Variants in SAMD12 observed in about 807,000 individuals in gnomAD.
The protein encoded by SAMD12 is sterile alpha motif domain-containing protein 12.
Under a neutral mutation model 15.0 loss-of-function variants are expected in SAMD12, and 9 were observed. That is an observed-to-expected ratio of 0.60 (90% CI 0.36 to 1.05). The LOEUF is 1.05. SAMD12 is among the 50% of genes least tolerant of loss of function. The probability of loss-of-function intolerance (pLI) is 0.01; values close to 1 mark genes in which losing one functional copy is unlikely to be tolerated. For missense variants in SAMD12, 230 were observed against 234.2 expected, an observed-to-expected ratio of 0.98 and a Z score of 0.12; for synonymous variants, 86 against 90.1, an observed-to-expected ratio of 0.96 and a Z score of 0.25.
At chr8:118,182,577 C>T in the SAMD12 span, among the ~76,000 whole-genome samples, 37 of 152,060 alleles carry the variant, frequency 2.4e-4, 1 homozygote, top group Admixed American at 9.2e-4. Flanking sequence ...TGAATTGCCA[C>T]GACTACTTCG....
intron 1 of SAMD12, among the ~76,000 whole-genome samples, chr8:118,594,197 A>G (rs1222113232): frequency 6.6e-6 from 1 of 152,118 alleles, no homozygotes; most frequent in African/African-American, 2.4e-5. Context: ...GAGGAGATAA[A>G]TATGTGAGGA....
At chr8:118,153,847 GA>G in the SAMD12 span, among the ~76,000 whole-genome samples, 1 of 152,154 alleles carries the variant, frequency 6.6e-6, no homozygotes, top group South Asian at 2.1e-4. Context: ...ATTCTACTTA[GA>G]AGCCTGAGCT....
chr8:118,558,621 C>T (rs960830665), intron 2 of SAMD12, among the ~76,000 whole-genome samples: 5 of 152,052 alleles, frequency 3.3e-5, no homozygotes, highest in Non-Finnish European at 5.9e-5. Context: ...TGCAGTGGCA[C>T]GATCCTGGCT....
chr8:118,321,144 A>AATAAATATAT (rs57107358), intron 4 of SAMD12, among the ~76,000 whole-genome samples: 65 of 94,444 alleles, frequency 6.9e-4, no homozygotes, highest in South Asian at 1.2e-3. Flanking sequence ...ATAGATAATA[A>AATAAATATAT]ATATATATAT....
At chr8:118,337,820 G>A (rs561651263) in intron 4 of SAMD12, among the ~76,000 whole-genome samples, 32 of 152,292 alleles carry the variant, frequency 2.1e-4, no homozygotes, top group Admixed American at 1.8e-3. Flanking sequence ...GCCGTACATT[G>A]ATTCCTTTAA....
At chr8:118,473,631 C>G (rs999268227) in intron 2 of SAMD12, among the ~76,000 whole-genome samples, 1 of 152,126 alleles carries the variant, frequency 6.6e-6, no homozygotes, top group Admixed American at 6.5e-5. Flanking sequence ...CCAGCCTAAT[C>G]CCTCACCCTC....
At chr8:118,552,190 AT>A (rs1470467965) in intron 2 of SAMD12, among the ~76,000 whole-genome samples, 1 of 152,220 alleles carries the variant, frequency 6.6e-6, no homozygotes, top group Non-Finnish European at 1.5e-5. Context: ...GGCCAGCATC[AT>A]CCTGATACCA....
At chr8:118,438,464 G>A (rs558279502) in intron 3 of SAMD12, among the ~76,000 whole-genome samples, 56 of 151,510 alleles carry the variant, frequency 3.7e-4, no homozygotes, top group Non-Finnish European at 6.5e-4. Flanking sequence ...CAAGTTTTCT[G>A]TATGGTTCAA....
downstream of SAMD12, among the ~76,000 whole-genome samples, chr8:118,187,747 A>C (rs1382084971): frequency 6.6e-6 from 1 of 152,166 alleles, no homozygotes. Flanking sequence ...GAACATGTTA[A>C]CTAAAGCTTT....
At chr8:118,259,696 T>G (rs968174336) in intron 4 of SAMD12, among the ~76,000 whole-genome samples, 1 of 152,030 alleles carries the variant, frequency 6.6e-6, no homozygotes, top group African/African-American at 2.4e-5. Flanking sequence ...CCTCAGGAGA[T>G]AGCTGAGGGA....
chr8:118,348,494 C>A (rs1329031082), intron 4 of SAMD12, among the ~76,000 whole-genome samples: 1 of 152,090 alleles, frequency 6.6e-6, no homozygotes, highest in Non-Finnish European at 1.5e-5. Context: ...GCCTCAGCCT[C>A]CCGAGTAGCT....
chr8:118,139,848 T>C, the SAMD12 span, among the ~76,000 whole-genome samples: 3 of 152,176 alleles, frequency 2.0e-5, no homozygotes, highest in Non-Finnish European at 4.4e-5. Context: ...ACTCTGTCAG[T>C]TAGGATCTTC....
chr8:118,554,483 T>G (rs1826458856), intron 2 of SAMD12, among the ~76,000 whole-genome samples: 1 of 138,170 alleles, frequency 7.2e-6, no homozygotes, highest in Non-Finnish European at 1.5e-5. Flanking sequence ...AATTGAACAA[T>G]GAGAACACAT....
At chr8:118,196,560 G>A (rs796913999) in exon 5 of SAMD12, 1 of 152,078 alleles carries the variant, frequency 6.6e-6, no homozygotes, top group Non-Finnish European at 1.5e-5. Flanking sequence ...GGGACTAGTA[G>A]GTTCTACCCT....
chr8:118,349,133 G>GA (rs1465502358), intron 4 of SAMD12, among the ~76,000 whole-genome samples: 1 of 152,124 alleles, frequency 6.6e-6, no homozygotes, highest in African/African-American at 2.4e-5. Flanking sequence ...CTTCATGGTA[G>GA]AAAAAAGAAC....
rs529202638 is a variant in SAMD12 at position 118,557,920 on chromosome 8, G to A, written c.192+22795C>T. ...TATTATTCTACAACTGTCAAAATAG[G>A]TTGAGACCAACCTATTTTGAGTCAG... On this transcript the variant is annotated intron_variant, in intron 2 of 3. Transcript: ENST00000314727. Among the ~76,000 whole-genome samples, 19 of 151,934 alleles carry A rather than the reference G, an allele frequency of 1.3e-4. 1 individual carries two copies. In the South Asian group the frequency reaches 2.1e-3, roughly 17 times the overall value.
chr8:118,556,654 C>T lies in SAMD12; in HGVS notation c.192+24061G>A, dbSNP rs533175668. Among the ~76,000 whole-genome samples the T allele has an allele frequency of 2.0e-4, 30 of 152,238 alleles. No homozygotes were observed. In the South Asian group the frequency reaches 5.0e-3, roughly 25 times the overall value. ...ACACAGAGTTTATCCTCAAGAAACT[C>T]ACAATCTGGTGATAGAAATAGACAT... On this transcript the variant is annotated intron_variant, in intron 2 of 3. Coordinates refer to ENST00000314727, the MANE Select transcript of SAMD12 (RefSeq NM_207506.3).
At chr8:118,237,770 G>A (rs986516205) in intron 4 of SAMD12, among the ~76,000 whole-genome samples, 1 of 152,124 alleles carries the variant, frequency 6.6e-6, no homozygotes, top group African/African-American at 2.4e-5. Flanking sequence ...AGAATCAAAT[G>A]TAAACATTAA....
Position 118,397,508 on chromosome 8 carries a change from A to G in SAMD12, c.323-17808T>C, listed in dbSNP as rs183501256. On this transcript the variant is annotated intron_variant, in intron 3 of 3. Transcript: ENST00000314727. ...ACCCCAAGTCTACAGATTGTGGAAC[A>G]GTGAAGAGTCTAGCGTGTCTAGGTC... Among the ~76,000 whole-genome samples, 5 of 152,306 alleles carry G rather than the reference A, an allele frequency of 3.3e-5. No individual in the cohort carries two copies. In the East Asian group the frequency reaches 9.6e-4, roughly 29 times the overall value.
Sources: allele counts gnomAD v4.1 joint callset (sites outside exome capture counted in the v4.1 genomes callset), GRCh38; gene constraint gnomAD v4.1.1; transcripts MANE v1.5; gene names NCBI Gene and HGNC (gene_info 2026-07-23, HGNC 2026-07-21).